FRMD4B: variants seen among roughly 807,000 people sequenced by gnomAD.
The protein encoded by FRMD4B is FERM domain containing 4B.
FRMD4B carries 74 observed loss-of-function variants against 141.5 expected under a neutral mutation model. The observed-to-expected ratio is 0.52, with a 90% CI of 0.43 to 0.63. The LOEUF is 0.63. Ranked by LOEUF, FRMD4B falls within the 30% of genes least tolerant of loss-of-function variation. The pLI is 0.00. For synonymous variants in FRMD4B, 506 were observed against 467.9 expected, an observed-to-expected ratio of 1.08 and a Z score of -1.05; for missense variants, 1,366 against 1,253.4, an observed-to-expected ratio of 1.09 and a Z score of -1.36.
chr3:69,231,806 T>G (rs1443306841), intron 7 of FRMD4B, among the ~76,000 whole-genome samples: 3 of 152,208 alleles, frequency 2.0e-5, no homozygotes, highest in African/African-American at 7.2e-5. Flanking sequence ...ACTGGGATGT[T>G]AGAAACACTG....
intron 12 of FRMD4B, chr3:69,198,457 C>G: frequency 2.2e-6 from 1 of 456,642 alleles, no homozygotes; most frequent in Non-Finnish European, 3.9e-6. Context: ...GAGGATGTGT[C>G]GGCATTGGAA....
At position 69,196,281 on chromosome 3, in the gene FRMD4B, G is replaced by A; in HGVS notation, c.1208C>T (p.Ala403Val). 1 of 1,606,412 alleles carries A rather than the reference G, an allele frequency of 6.2e-7. No individual in the cohort carries two copies. The highest frequency in any genetic ancestry group is 8.5e-7 in the Non-Finnish European group (1 of 1,177,048). ...TGAGGAGATTAAACTGCCATTACTTGCCATGATGAACTGACTTTTCGTCTC... is the reference window on the plus strand; with the variant it reads ...TGAGGAGATTAAACTGCCATTACTTACCATGATGAACTGACTTTTCGTCTC... ...TLETKSQFIM[A>V]SNGSLISSGS... The change falls in exon 14 of 23, where the codon GCA becomes GTA. Residue 403 changes from alanine to valine, a missense_variant. Coordinates refer to ENST00000398540, the MANE Select transcript of FRMD4B (RefSeq NM_015123.3).
rs1216867380 is a variant in FRMD4B, at chr3:69,176,428, C to T, written c.2984+96G>A. The T allele has an allele frequency of 5.7e-6, 6 of 1,057,654 alleles. No individual in the cohort carries two copies. The African/African-American group carries it at 9.5e-5, about 17-fold the overall frequency. The allele number at this position is 1,057,654 out of a possible 1,614,324, so 65.5% of individuals were successfully genotyped here. ...TGGCCCACAGGCTAGAGTTTGCCAA[C>T]CCCTGAACTAGATTATCTGACGTTT... On this transcript the variant is annotated intron_variant, in intron 22 of 22. Transcript: ENST00000398540.
At chr3:69,470,413 C>A (rs1401086951) in intron 1 of FRMD4B, among the ~76,000 whole-genome samples, 1 of 151,758 alleles carries the variant, frequency 6.6e-6, no homozygotes, top group African/African-American at 2.4e-5. Flanking sequence ...AATTACCAGT[C>A]CAGTTTTTTT....
chr3:69,434,871 T>C (rs1474308285), intron 1 of FRMD4B, among the ~76,000 whole-genome samples: 1 of 152,150 alleles, frequency 6.6e-6, no homozygotes, highest in African/African-American at 2.4e-5. Context: ...ACAAAATGTA[T>C]GTTCTCACAT....
At chr3:69,323,587 A>ACTCT (rs1202175989) in intron 1 of FRMD4B, among the ~76,000 whole-genome samples, 1 of 103,094 alleles carries the variant, frequency 9.7e-6, no homozygotes, top group African/African-American at 3.6e-5. Flanking sequence ...CAAAAACCCA[A>ACTCT]CTCTCTCTCT....
At chr3:69,478,301 T>G (rs1706039889) in intron 1 of FRMD4B, among the ~76,000 whole-genome samples, 1 of 152,188 alleles carries the variant, frequency 6.6e-6, no homozygotes, top group African/African-American at 2.4e-5. Flanking sequence ...GATGTTAGAG[T>G]GTCAATTTTG....
chr3:69,278,589 A>C (rs1445755920), intron 5 of FRMD4B, among the ~76,000 whole-genome samples: 3 of 138,976 alleles, frequency 2.2e-5, no homozygotes, highest in African/African-American at 7.9e-5. Context: ...GAGTCACCCC[A>C]GTGGCCCCAA....
intron 2 of FRMD4B, among the ~76,000 whole-genome samples, chr3:69,418,681 G>C (rs1704915961): frequency 6.6e-6 from 1 of 152,070 alleles, no homozygotes; most frequent in African/African-American, 2.4e-5. Context: ...ACTGAATCCT[G>C]CCAAAAGCCA....
chr3:69,269,078 A>G (rs2093582433), intron 5 of FRMD4B, among the ~76,000 whole-genome samples: 1 of 151,236 alleles, frequency 6.6e-6, no homozygotes, highest in Non-Finnish European at 1.5e-5. Context: ...ACAGACATGC[A>G]CCACCACACC....
intron 1 of FRMD4B, among the ~76,000 whole-genome samples, chr3:69,330,603 C>T (rs1471461248): frequency 1.3e-5 from 2 of 151,698 alleles, no homozygotes; most frequent in East Asian, 3.9e-4. Context: ...CCTCAGCCTC[C>T]CAAAGTTCTG....
intron 2 of FRMD4B, among the ~76,000 whole-genome samples, chr3:69,418,798 C>A (rs927720799): frequency 6.6e-6 from 1 of 151,832 alleles, no homozygotes; most frequent in Non-Finnish European, 1.5e-5. Context: ...TAAGTTGTGC[C>A]CAGACTCCTG....
chr3:69,321,076 A>G (rs1290156797), intron 1 of FRMD4B: 1 of 152,332 alleles, frequency 6.6e-6, no homozygotes, highest in African/African-American at 2.4e-5. Context: ...GCGGCAGCCC[A>G]TAGTGGGGTT....
intron 1 of FRMD4B, among the ~76,000 whole-genome samples, chr3:69,505,926 AC>A (rs1276736422): frequency 6.6e-6 from 1 of 152,220 alleles, no homozygotes; most frequent in Non-Finnish European, 1.5e-5. Flanking sequence ...GATAATGTTT[AC>A]AAATAGAATG....
At chr3:69,492,861 G>A (rs1399952484) in intron 1 of FRMD4B, among the ~76,000 whole-genome samples, 3 of 152,116 alleles carry the variant, frequency 2.0e-5, no homozygotes, top group East Asian at 3.9e-4. Flanking sequence ...GCTGGTAAAC[G>A]TTTCCAGTTA....
chr3:69,453,776 A>C (rs1274082022), intron 1 of FRMD4B, among the ~76,000 whole-genome samples: 1 of 152,240 alleles, frequency 6.6e-6, no homozygotes, highest in East Asian at 1.9e-4. Context: ...GCATTCTCTA[A>C]GGTGAAATGG....
intron 2 of FRMD4B, among the ~76,000 whole-genome samples, chr3:69,396,662 A>C (rs1200979556): frequency 6.6e-6 from 1 of 152,264 alleles, no homozygotes; most frequent in Non-Finnish European, 1.5e-5. Context: ...CACATCCATT[A>C]GAATGGCTAT....
intron 1 of FRMD4B, among the ~76,000 whole-genome samples, chr3:69,539,982 C>T (rs6549231): frequency 0.5 from 75,640 of 151,544 alleles, 19,627 homozygotes; most frequent in African/African-American, 0.63. Flanking sequence ...GGTTTGAAGT[C>T]AGGAATTCAA....
chr3:69,174,191 A>C (rs1013836865), intron 22 of FRMD4B, among the ~76,000 whole-genome samples: 6 of 151,962 alleles, frequency 3.9e-5, no homozygotes, highest in African/African-American at 1.4e-4. Flanking sequence ...AGAAGGAAAA[A>C]TCTAAAAGCC....
Sources: allele counts gnomAD v4.1 joint callset (sites outside exome capture counted in the v4.1 genomes callset), GRCh38; gene constraint gnomAD v4.1.1; transcripts MANE v1.5; gene names NCBI Gene and HGNC (gene_info 2026-07-23, HGNC 2026-07-21).